The following MEF2A variants were observed in gnomAD, a reference collection of about 807,000 sequenced individuals.
MEF2A encodes myocyte-specific enhancer factor 2A.
A neutral mutation model predicts 55.8 loss-of-function variants in MEF2A; 28 were observed. The observed-to-expected ratio is 0.50, with a 90% CI of 0.37 to 0.69. The LOEUF is 0.69. Ranked by LOEUF, MEF2A falls within the 30% of genes least tolerant of loss-of-function variation. MEF2A has a pLI of 0.00. For missense variants in MEF2A, 528 were observed against 626.2 expected, an observed-to-expected ratio of 0.84 and a Z score of 1.67; for synonymous variants, 239 against 227.1, an observed-to-expected ratio of 1.05 and a Z score of -0.47.
chr15:99,622,264 G>A (rs1273845883), intron 2 of MEF2A, among the ~76,000 whole-genome samples: 2 of 152,106 alleles, frequency 1.3e-5, no homozygotes, highest in African/African-American at 4.8e-5. Context: ...CCTGTTGCCT[G>A]AATAACAGAT....
chr15:99,696,259 A>T (rs117844007), intron 8 of MEF2A, among the ~76,000 whole-genome samples: 6,545 of 152,278 alleles, frequency 0.043, 176 homozygotes, highest in Non-Finnish European at 0.058. Context: ...GACCAACATG[A>T]CCTAAGAGAC....
At chr15:99,570,269 A>G (rs1323859837) in intron 1 of MEF2A, among the ~76,000 whole-genome samples, 1 of 152,168 alleles carries the variant, frequency 6.6e-6, no homozygotes, top group East Asian at 1.9e-4. Flanking sequence ...TAATTAATCA[A>G]ACTTCTAGTA....
intron 7 of MEF2A, among the ~76,000 whole-genome samples, chr15:99,685,524 G>A (rs2054058166): frequency 6.6e-6 from 1 of 151,856 alleles, no homozygotes; most frequent in Non-Finnish European, 1.5e-5. Context: ...CAGTGCTGTT[G>A]ATTTTGTGTC....
At chr15:99,580,247 C>G (rs867073874) in intron 1 of MEF2A, among the ~76,000 whole-genome samples, 1 of 152,062 alleles carries the variant, frequency 6.6e-6, no homozygotes, top group Non-Finnish European at 1.5e-5. Flanking sequence ...ACTTCCCCCG[C>G]CCCCCTCACA....
intron 3 of MEF2A, among the ~76,000 whole-genome samples, chr15:99,641,086 G>C (rs530815905): frequency 6.6e-6 from 1 of 152,034 alleles, no homozygotes; most frequent in African/African-American, 2.4e-5. Flanking sequence ...CCCAGCCGTC[G>C]AAAAAGCCAT....
At chr15:99,612,218 A>G (rs1261268788) in intron 2 of MEF2A, among the ~76,000 whole-genome samples, 1 of 152,098 alleles carries the variant, frequency 6.6e-6, no homozygotes, top group African/African-American at 2.4e-5. Flanking sequence ...GATCGAGACT[A>G]TCCTGGCTAA....
chr15:99,701,824 T>G (rs2057422182), intron 8 of MEF2A, among the ~76,000 whole-genome samples: 1 of 152,254 alleles, frequency 6.6e-6, no homozygotes, highest in Non-Finnish European at 1.5e-5. Context: ...TATGCAATAC[T>G]TGCTACTGTC....
At chr15:99,569,998 A>T (rs1277800453) in intron 1 of MEF2A, among the ~76,000 whole-genome samples, 1 of 151,766 alleles carries the variant, frequency 6.6e-6, no homozygotes, top group Non-Finnish European at 1.5e-5. Flanking sequence ...TAAGTACTAA[A>T]TTTTTATATA....
chr15:99,583,769 C>A (rs1966586958), intron 1 of MEF2A, among the ~76,000 whole-genome samples: 1 of 152,068 alleles, frequency 6.6e-6, no homozygotes, highest in South Asian at 2.1e-4. Context: ...TGGAAACTTT[C>A]AGTATGGTTA....
At chr15:99,697,872 G>T (rs368235755) in intron 8 of MEF2A, among the ~76,000 whole-genome samples, 7 of 152,148 alleles carry the variant, frequency 4.6e-5, no homozygotes, top group Non-Finnish European at 8.8e-5. Flanking sequence ...TTGACAAAAG[G>T]ATGGGCACAT....
At chr15:99,578,331 T>C (rs1433302280) in intron 1 of MEF2A, among the ~76,000 whole-genome samples, 1 of 152,244 alleles carries the variant, frequency 6.6e-6, no homozygotes, top group Admixed American at 6.5e-5. Context: ...ATGCTGTTGC[T>C]TATGTTACTG....
intron 7 of MEF2A, among the ~76,000 whole-genome samples, chr15:99,677,427 G>T (rs1043937186): frequency 6.6e-6 from 1 of 151,930 alleles, no homozygotes; most frequent in African/African-American, 2.4e-5. Flanking sequence ...AAAAAACCCC[G>T]TAATGTTAAG....
chr15:99,688,975 C>T (rs1029385606), intron 7 of MEF2A, among the ~76,000 whole-genome samples: 3 of 152,002 alleles, frequency 2.0e-5, no homozygotes, highest in African/African-American at 7.3e-5. Context: ...GTCAGCCCCA[C>T]CCAGTCCACG....
chr15:99,710,876 C>T, intron 11 of MEF2A, 116 bp downstream of exon 11: 2 of 1,216,936 alleles, frequency 1.6e-6, no homozygotes, highest in South Asian at 1.6e-5. Context: ...GTAATGATTC[C>T]TTTTCAGGTA....
intron 10 of MEF2A, among the ~76,000 whole-genome samples, chr15:99,709,946 CTG>C (rs1567511140): frequency 6.6e-6 from 1 of 152,206 alleles, no homozygotes; most frequent in Admixed American, 6.5e-5. Context: ...TGTAGGGATT[CTG>C]TCTTTCCTGT....
intron 4 of MEF2A, among the ~76,000 whole-genome samples, chr15:99,660,232 G>A (rs547890366): frequency 3.3e-5 from 5 of 152,168 alleles, no homozygotes; most frequent in Non-Finnish European, 5.9e-5. Flanking sequence ...ATGGAGTTTC[G>A]CTCTTGTTGC....
chr15:99,709,430 G>A (rs1253839896), intron 10 of MEF2A, among the ~76,000 whole-genome samples: 1 of 152,226 alleles, frequency 6.6e-6, no homozygotes, highest in Non-Finnish European at 1.5e-5. Flanking sequence ...AAGATCTAGA[G>A]GTCGAAGGAG....
intron 8 of MEF2A, among the ~76,000 whole-genome samples, chr15:99,693,150 C>T (rs769860999): frequency 4.6e-5 from 7 of 152,060 alleles, no homozygotes; most frequent in African/African-American, 9.7e-5. Context: ...GAAATTAACT[C>T]GATTCTTGCA....
In MEF2A at chr15:99,645,694, A is replaced by G. The variant is rs746001869; in HGVS notation, c.188A>G (p.Asp63Gly). 6.2e-7 allele frequency: 1 copy of G among 1,613,596 alleles called. No homozygotes were observed. The highest frequency in any genetic ancestry group is 1.1e-5 in the South Asian group (1 of 91,042). Residue 63 changes from aspartate (D) to glycine (G), a missense_variant, in exon 4 of 12, where the codon GAC (aspartate) becomes GGC (glycine). Transcript: ENST00000557942. Reference sequence around the variant, plus strand: ...TTTCAATATGCTAGCACTGATATGGACAAAGTTCTTCTCAAGTATACAGAA... The same window carrying G: ...TTTCAATATGCTAGCACTGATATGGGCAAAGTTCTTCTCAAGTATACAGAA... ...KLFQYASTDM[D>G]KVLLKYTEYN...
Sources: gnomAD v4.1 joint callset for allele counts (sites outside exome capture counted in the v4.1 genomes callset) on GRCh38, gnomAD v4.1.1 for gene constraint, MANE v1.5 for transcripts, NCBI Gene and HGNC (gene_info 2026-07-23, HGNC 2026-07-21) for gene names.